The following TBC1D19 variants were observed in gnomAD, a reference collection of about 807,000 sequenced individuals.
TBC1D19 encodes the protein TBC1 domain family, member 19.
Under a neutral mutation model 89.0 loss-of-function variants are expected in TBC1D19, and 60 were observed. The observed-to-expected ratio is 0.67, with a 90% CI of 0.55 to 0.84. The LOEUF (loss-of-function observed/expected upper bound fraction) is 0.84. Among genes scored for constraint, TBC1D19 ranks in the 40% least tolerant of loss-of-function variants. The pLI is 0.00. For synonymous variants in TBC1D19, 189 were observed against 199.7 expected (o/e 0.95, Z 0.45); for missense variants, 500 against 610.8 (o/e 0.82, Z 1.91).
At chr4:26,826,699 T>C in the TBC1D19 span, among the ~76,000 whole-genome samples, 2 of 152,236 alleles carry the variant, frequency 1.3e-5, 1 homozygote, top group East Asian at 3.8e-4. Flanking sequence ...TTTGGCCTAA[T>C]GGCATTTCAA....
At chr4:26,579,620 C>T (rs142592714), upstream of TBC1D19, among the ~76,000 whole-genome samples, 61 of 152,078 alleles carry the variant, frequency 4.0e-4, no homozygotes, top group East Asian at 0.01. Flanking sequence ...TTTTAAGCCC[C>T]GCATGCATTA....
At chr4:26,705,878 TTTTTG>T (rs529196083) in intron 13 of TBC1D19, among the ~76,000 whole-genome samples, 1 of 151,914 alleles carries the variant, frequency 6.6e-6, no homozygotes, top group Admixed American at 6.6e-5. Context: ...TGTGGGAAAG[TTTTTG>T]TTTTGTTTTG....
At chr4:26,759,300 G>A (rs970446340), downstream of TBC1D19, among the ~76,000 whole-genome samples, 16 of 152,048 alleles carry the variant, frequency 1.1e-4, no homozygotes, top group African/African-American at 3.6e-4. Flanking sequence ...TTGAATGAAC[G>A]AATGACATCA....
intron 10 of TBC1D19, among the ~76,000 whole-genome samples, chr4:26,673,446 T>TATATATATATATATACAC (rs373807642): frequency 2.2e-5 from 2 of 90,884 alleles, no homozygotes; most frequent in African/African-American, 4.3e-5. Flanking sequence ...TATATATATA[T>TATATATATATATATACAC]ACACACACAC....
intron 7 of TBC1D19, among the ~76,000 whole-genome samples, chr4:26,647,738 G>A (rs541985990): frequency 8.5e-5 from 13 of 152,100 alleles, no homozygotes; most frequent in Admixed American, 5.9e-4. Flanking sequence ...CTTCCTCCCA[G>A]CTGAGTGTCT....
chr4:26,806,187 G>A, the TBC1D19 span, among the ~76,000 whole-genome samples: 1 of 151,990 alleles, frequency 6.6e-6, no homozygotes, highest in African/African-American at 2.4e-5. Context: ...TACCCCATCC[G>A]CCCTCCAGCC....
At chr4:26,691,478 C>G (rs1714283082) in intron 13 of TBC1D19, among the ~76,000 whole-genome samples, 1 of 152,230 alleles carries the variant, frequency 6.6e-6, no homozygotes, top group Non-Finnish European at 1.5e-5. Context: ...CACAGCTGCC[C>G]CAATGTTCAG....
At chr4:26,754,679 A>C (rs887335225) in intron 20 of TBC1D19, among the ~76,000 whole-genome samples, 194 bp from the exon 21 acceptor site, 2 of 152,216 alleles carry the variant, frequency 1.3e-5, no homozygotes, top group Non-Finnish European at 2.9e-5. Flanking sequence ...TATTTTCTAC[A>C]GCACATTTCA....
At chr4:26,780,046 T>G in the TBC1D19 span, among the ~76,000 whole-genome samples, 1 of 152,198 alleles carries the variant, frequency 6.6e-6, no homozygotes, top group Admixed American at 6.5e-5. Flanking sequence ...AGCTGGCCAT[T>G]TCTGAGATGG....
chr4:26,736,619 A>G (rs910698429), intron 16 of TBC1D19, among the ~76,000 whole-genome samples: 6 of 152,222 alleles, frequency 3.9e-5, no homozygotes, highest in Non-Finnish European at 8.8e-5. Context: ...AGAGATACAT[A>G]TTAATATTTA....
chr4:26,733,622 G>A (rs192669832), intron 15 of TBC1D19, among the ~76,000 whole-genome samples: 108 of 152,214 alleles, frequency 7.1e-4, no homozygotes, highest in Admixed American at 1.1e-3. Flanking sequence ...TCTTCACCCC[G>A]TCATGTTCAG....
the TBC1D19 span, among the ~76,000 whole-genome samples, chr4:26,789,846 CT>C: frequency 6.6e-6 from 1 of 152,114 alleles, no homozygotes; most frequent in South Asian, 2.1e-4. Flanking sequence ...CCATGGAATA[CT>C]ATGCAGCCAT....
chr4:26,597,843 C>T (rs1482404166), intron 1 of TBC1D19, among the ~76,000 whole-genome samples: 2 of 151,864 alleles, frequency 1.3e-5, no homozygotes, highest in Non-Finnish European at 2.9e-5. Context: ...TTGGGTTATT[C>T]AAATTCTTTA....
At chr4:26,606,940 C>T (rs1438435574) in intron 1 of TBC1D19, among the ~76,000 whole-genome samples, 1 of 152,154 alleles carries the variant, frequency 6.6e-6, no homozygotes, top group Non-Finnish European at 1.5e-5. Context: ...CTTTGCTTCT[C>T]CAGTTCCCTT....
chr4:26,594,885 G>A (rs968442721), intron 1 of TBC1D19, among the ~76,000 whole-genome samples: 4 of 152,250 alleles, frequency 2.6e-5, no homozygotes, highest in Admixed American at 1.3e-4. Context: ...CAACAACAAC[G>A]AAAACCTGGT....
chr4:26,831,584 T>A, the TBC1D19 span, among the ~76,000 whole-genome samples: 1 of 130,088 alleles, frequency 7.7e-6, no homozygotes, highest in African/African-American at 4.3e-5. Flanking sequence ...TCTTCTTTTT[T>A]TTTTTTCTTT....
At chr4:26,694,512 C>A (rs1577944529) in intron 13 of TBC1D19, among the ~76,000 whole-genome samples, 1 of 152,220 alleles carries the variant, frequency 6.6e-6, no homozygotes, top group East Asian at 1.9e-4. Flanking sequence ...CCTCTGCAGA[C>A]TTAAACGTCC....
At chr4:26,586,170 GC>G (rs139465492) in intron 1 of TBC1D19, among the ~76,000 whole-genome samples, 50,862 of 134,968 alleles carry the variant, frequency 0.38, 10,348 homozygotes, top group Middle Eastern at 0.46. Context: ...TGCAAGGTAA[GC>G]TTTTTTTTTT....
chr4:26,601,120 A>G (rs1339601952), intron 1 of TBC1D19, among the ~76,000 whole-genome samples: 1 of 144,380 alleles, frequency 6.9e-6, no homozygotes, highest in African/African-American at 2.5e-5. Context: ...TTTTATATAT[A>G]TTGTGTATGT....
Sources: gnomAD v4.1 joint callset for allele counts (sites outside exome capture counted in the v4.1 genomes callset) on GRCh38, gnomAD v4.1.1 for gene constraint, MANE v1.5 for transcripts, NCBI Gene and HGNC (gene_info 2026-07-23, HGNC 2026-07-21) for gene names.